The following POFUT3 variants were observed in gnomAD, a reference collection of about 807,000 sequenced individuals.
The protein encoded by POFUT3 is GDP-fucose protein O-fucosyltransferase 3.
the POFUT3 span, among the ~76,000 whole-genome samples, chr8:33,422,685 A>T: frequency 6.6e-6 from 1 of 152,086 alleles, no homozygotes; most frequent in African/African-American, 2.4e-5. Flanking sequence ...TTTGCTAAAG[A>T]CTGGCTTGGC....
chr8:33,332,681 A>G, the POFUT3 span, among the ~76,000 whole-genome samples: 10 of 152,084 alleles, frequency 6.6e-5, no homozygotes, highest in African/African-American at 9.7e-5. Flanking sequence ...CACAACATAG[A>G]TTGTTTAGCT....
the POFUT3 span, among the ~76,000 whole-genome samples, chr8:33,339,420 G>T: frequency 6.6e-6 from 1 of 152,074 alleles, no homozygotes; most frequent in African/African-American, 2.4e-5. Flanking sequence ...AATGCACACA[G>T]CCTCAAGAAC....
the POFUT3 span, among the ~76,000 whole-genome samples, chr8:33,330,089 T>G: frequency 6.6e-6 from 1 of 152,124 alleles, no homozygotes; most frequent in Non-Finnish European, 1.5e-5. Flanking sequence ...AAACTAAAAT[T>G]TTTTAAACGT....
At chr8:33,432,367 A>G in the POFUT3 span, among the ~76,000 whole-genome samples, 258 of 151,568 alleles carry the variant, frequency 1.7e-3, 1 homozygote, top group Admixed American at 3.8e-3. Context: ...AGATCGCACC[A>G]CTGCACTCCA....
At chr8:33,403,143 AAAG>A in the POFUT3 span, among the ~76,000 whole-genome samples, 1 of 152,084 alleles carries the variant, frequency 6.6e-6, no homozygotes, top group Non-Finnish European at 1.5e-5. Flanking sequence ...CAAATACATA[AAAG>A]AAGGAAAGGG....
chr8:33,393,117 G>A, the POFUT3 span, among the ~76,000 whole-genome samples: 1 of 152,184 alleles, frequency 6.6e-6, no homozygotes, highest in African/African-American at 2.4e-5. Flanking sequence ...GAAAAAAACT[G>A]AGTTATTTAG....
the POFUT3 span, among the ~76,000 whole-genome samples, chr8:33,365,804 G>T: frequency 1.3e-5 from 2 of 151,948 alleles, no homozygotes; most frequent in Non-Finnish European, 2.9e-5. Context: ...TTACACTGTT[G>T]GTGGGAGTGT....
chr8:33,333,524 G>C, the POFUT3 span, among the ~76,000 whole-genome samples: 5 of 152,164 alleles, frequency 3.3e-5, 1 homozygote, highest in African/African-American at 1.2e-4. Flanking sequence ...GCTTAAAAAA[G>C]GCTTCCCTGG....
chr8:33,378,741 C>T, the POFUT3 span, among the ~76,000 whole-genome samples: 4 of 152,128 alleles, frequency 2.6e-5, no homozygotes, highest in South Asian at 2.1e-4. Flanking sequence ...CTCTTTAACA[C>T]CCCAGGCCCC....
the POFUT3 span, among the ~76,000 whole-genome samples, chr8:33,448,228 C>A: frequency 2.0e-5 from 2 of 101,410 alleles, no homozygotes; most frequent in African/African-American, 6.8e-5. Flanking sequence ...CACCTGTAGT[C>A]CCAGCTACTC....
At chr8:33,334,553 G>C in the POFUT3 span, among the ~76,000 whole-genome samples, 3 of 152,114 alleles carry the variant, frequency 2.0e-5, no homozygotes, top group African/African-American at 4.8e-5. Context: ...ACTGGTCCGG[G>C]ACACGGTCTG....
chr8:33,439,487 G>A, the POFUT3 span, among the ~76,000 whole-genome samples: 1 of 152,140 alleles, frequency 6.6e-6, no homozygotes, highest in Admixed American at 6.6e-5. Context: ...TCTTTTTAAA[G>A]CATAAATCAG....
chr8:33,411,059 T>G, the POFUT3 span, among the ~76,000 whole-genome samples: 1 of 152,052 alleles, frequency 6.6e-6, no homozygotes, highest in Admixed American at 6.6e-5. Flanking sequence ...TGCCAAACCT[T>G]GAAAATAAAT....
At chr8:33,320,170 ATTTGATTGATGC>A in the POFUT3 span, among the ~76,000 whole-genome samples, 1 of 151,930 alleles carries the variant, frequency 6.6e-6, no homozygotes, top group Admixed American at 6.6e-5. Context: ...ATTGCTGATG[ATTTGATTGATGC>A]TTTGATTGCT....
At chr8:33,309,199 T>TATAC in the POFUT3 span, among the ~76,000 whole-genome samples, 7 of 89,870 alleles carry the variant, frequency 7.8e-5, no homozygotes, top group Admixed American at 1.4e-4. Context: ...TATATATATA[T>TATAC]ACACACACAT....
chr8:33,427,796 C>T, the POFUT3 span, among the ~76,000 whole-genome samples: 1 of 152,020 alleles, frequency 6.6e-6, no homozygotes, highest in Non-Finnish European at 1.5e-5. Context: ...AAAAGCTATC[C>T]CCAAAGCAAG....
At chr8:33,323,816 G>A in the POFUT3 span, among the ~76,000 whole-genome samples, 1 of 152,150 alleles carries the variant, frequency 6.6e-6, no homozygotes, top group Admixed American at 6.5e-5. Context: ...GCTGCCTTGT[G>A]AAAGAAATAT....
At chr8:33,412,015 A>G in the POFUT3 span, among the ~76,000 whole-genome samples, 1 of 135,926 alleles carries the variant, frequency 7.4e-6, no homozygotes, top group Non-Finnish European at 1.6e-5. Context: ...CACAGGTTGC[A>G]CACTGAGAGT....
the POFUT3 span, among the ~76,000 whole-genome samples, chr8:33,439,474 G>T: frequency 3.1e-3 from 477 of 152,224 alleles, 1 homozygote; most frequent in Non-Finnish European, 2.7e-3. Flanking sequence ...AAAGTCAGAG[G>T]TATCTTTTTA....
Sources: allele counts gnomAD v4.1 joint callset (sites outside exome capture counted in the v4.1 genomes callset), GRCh38; gene constraint gnomAD v4.1.1; transcripts MANE v1.5; gene names NCBI Gene and HGNC (gene_info 2026-07-23, HGNC 2026-07-21).